DPYD: variants seen among roughly 807,000 people sequenced by gnomAD.
The protein encoded by DPYD is dihydropyrimidine dehydrogenase.
Under a neutral mutation model 116.2 loss-of-function variants are expected in DPYD, and 109 were observed. The ratio of observed to expected loss-of-function variants is 0.94; its 90% CI spans 0.80 to 1.10. The LOEUF is 1.10. Among genes scored for constraint, DPYD ranks in the 50% least tolerant of loss-of-function variants. The pLI is 0.00. For synonymous variants in DPYD, 440 were observed against 432.0 expected, an observed-to-expected ratio of 1.02 and a Z score of -0.23; for missense variants, 1,302 against 1,254.5, an observed-to-expected ratio of 1.04 and a Z score of -0.57.
chr1:97,238,414 T>C (rs1662099751), intron 18 of DPYD, among the ~76,000 whole-genome samples: 2 of 152,150 alleles, frequency 1.3e-5, no homozygotes, highest in African/African-American at 4.8e-5. Flanking sequence ...TTCTTAAGAA[T>C]GACTTCATCC....
chr1:97,795,384 G>A (rs766951217), intron 3 of DPYD, among the ~76,000 whole-genome samples: 26 of 151,856 alleles, frequency 1.7e-4, no homozygotes, highest in Non-Finnish European at 3.2e-4. Context: ...ATAATTTATA[G>A]TGTTAGAATG....
intron 20 of DPYD, among the ~76,000 whole-genome samples, chr1:97,177,650 A>G (rs768917485): frequency 6.6e-6 from 1 of 151,358 alleles, no homozygotes; most frequent in Non-Finnish European, 1.5e-5. Flanking sequence ...GAAAGTATGT[A>G]TATTGTCCAA....
intron 4 of DPYD, among the ~76,000 whole-genome samples, chr1:97,730,557 T>C (rs1663535165): frequency 6.6e-6 from 1 of 152,090 alleles, no homozygotes; most frequent in South Asian, 2.1e-4. Flanking sequence ...TGAAAATCTC[T>C]ATAAAAGGCA....
chr1:97,265,794 A>G (rs971714547), intron 18 of DPYD, among the ~76,000 whole-genome samples: 31 of 152,108 alleles, frequency 2.0e-4, no homozygotes, highest in African/African-American at 7.5e-4. Context: ...AACATGCTCA[A>G]TTTCAAACAT....
At chr1:97,722,088 T>C (rs1239555271) in intron 4 of DPYD, among the ~76,000 whole-genome samples, 2 of 151,702 alleles carry the variant, frequency 1.3e-5, no homozygotes, top group Non-Finnish European at 3.0e-5. Flanking sequence ...ACTCAGGTTA[T>C]CCTCCATTTA....
At chr1:97,594,517 A>T (rs1048511837) in intron 9 of DPYD, among the ~76,000 whole-genome samples, 4 of 152,170 alleles carry the variant, frequency 2.6e-5, no homozygotes, top group Non-Finnish European at 4.4e-5. Context: ...AAGGATTTAG[A>T]TTATCTGACT....
chr1:97,204,154 G>T (rs1380141133), intron 19 of DPYD, among the ~76,000 whole-genome samples: 2 of 152,088 alleles, frequency 1.3e-5, no homozygotes, highest in Non-Finnish European at 1.5e-5. Context: ...TTATGGGAGG[G>T]CTAGAGAAGC....
chr1:97,622,883 G>A (rs1656712129), intron 8 of DPYD, among the ~76,000 whole-genome samples: 2 of 151,990 alleles, frequency 1.3e-5, no homozygotes, highest in South Asian at 4.1e-4. Context: ...AACAAGATCT[G>A]AAGGAATCAG....
intron 18 of DPYD, among the ~76,000 whole-genome samples, chr1:97,235,288 C>A (rs949602800): frequency 1.3e-5 from 2 of 152,158 alleles, no homozygotes; most frequent in Non-Finnish European, 2.9e-5. Context: ...ATATTACATG[C>A]ATATTACAAT....
chr1:97,267,239 G>C (rs919431980), intron 18 of DPYD, among the ~76,000 whole-genome samples: 3 of 152,114 alleles, frequency 2.0e-5, no homozygotes, highest in Non-Finnish European at 4.4e-5. Context: ...GTGTGAGATG[G>C]TATCTCATTG....
intron 5 of DPYD, among the ~76,000 whole-genome samples, chr1:97,712,458 T>TA (rs1393775676): frequency 6.6e-6 from 1 of 152,102 alleles, no homozygotes; most frequent in Non-Finnish European, 1.5e-5. Flanking sequence ...TATTATTTTA[T>TA]ACATATTAAT....
chr1:97,446,637 C>T (rs1456710255), intron 14 of DPYD, among the ~76,000 whole-genome samples: 1 of 152,092 alleles, frequency 6.6e-6, no homozygotes, highest in Non-Finnish European at 1.5e-5. Flanking sequence ...CTGCTGAAGC[C>T]CTACCTTCTG....
At chr1:97,779,960 T>C (rs1035843297) in intron 3 of DPYD, among the ~76,000 whole-genome samples, 3 of 152,200 alleles carry the variant, frequency 2.0e-5, no homozygotes, top group African/African-American at 4.8e-5. Flanking sequence ...TAGAGATATC[T>C]AATATTTATT....
At chr1:97,231,766 G>A (rs918711831) in intron 19 of DPYD, among the ~76,000 whole-genome samples, 6 of 152,132 alleles carry the variant, frequency 3.9e-5, no homozygotes, top group African/African-American at 1.4e-4. Flanking sequence ...GTAGGTTGTG[G>A]AAATACTATA....
chr1:97,769,008 G>A (rs1393370442), intron 3 of DPYD, among the ~76,000 whole-genome samples: 1 of 151,642 alleles, frequency 6.6e-6, no homozygotes, highest in Non-Finnish European at 1.5e-5. Context: ...ATTTAAAAGT[G>A]AAAATTTCAT....
chr1:97,847,738 C>T (rs1256108633), intron 2 of DPYD, among the ~76,000 whole-genome samples: 1 of 152,076 alleles, frequency 6.6e-6, no homozygotes, highest in Non-Finnish European at 1.5e-5. Flanking sequence ...GAAAGAAATA[C>T]TATATACATT....
chr1:97,326,487 G>A (rs79347057), intron 16 of DPYD, among the ~76,000 whole-genome samples: 1 of 151,820 alleles, frequency 6.6e-6, no homozygotes, highest in African/African-American at 2.4e-5. Context: ...AAGATGGAAG[G>A]AAAAGGGCTT....
chr1:97,521,545 T>C (rs901467647), intron 12 of DPYD, among the ~76,000 whole-genome samples: 1 of 152,080 alleles, frequency 6.6e-6, no homozygotes, highest in African/African-American at 2.4e-5. Flanking sequence ...CTTCAGAGAA[T>C]TAGAAAAAAG....
intron 8 of DPYD, among the ~76,000 whole-genome samples, chr1:97,655,099 G>A (rs780683986): frequency 6.6e-6 from 1 of 152,010 alleles, no homozygotes; most frequent in Non-Finnish European, 1.5e-5. Flanking sequence ...TTTGGGTGAG[G>A]ACACAGCCAA....
Sources: gnomAD v4.1 joint callset for allele counts (sites outside exome capture counted in the v4.1 genomes callset) on GRCh38, gnomAD v4.1.1 for gene constraint, MANE v1.5 for transcripts, NCBI Gene and HGNC (gene_info 2026-07-23, HGNC 2026-07-21) for gene names.